Variants in GALT observed in about 807,000 individuals in gnomAD.
GALT encodes galactose-1-phosphate uridylyltransferase.
GALT carries 42 observed loss-of-function variants against 55.4 expected under a neutral mutation model. That is an observed-to-expected ratio of 0.76 (90% CI 0.59 to 0.98). GALT has a LOEUF of 0.98. Among genes scored for constraint, GALT ranks in the 50% least tolerant of loss-of-function variants. GALT has a pLI of 0.00. For synonymous variants in GALT, 154 were observed against 181.5 expected, an observed-to-expected ratio of 0.85 and a Z score of 1.22; for missense variants, 407 against 495.7, an observed-to-expected ratio of 0.82 and a Z score of 1.70.
rs1821140337 is a variant in GALT at position 34,647,662 on chromosome 9, A to G, written c.334A>G (p.Ser112Gly). Residue 112 changes from serine (S) to glycine (G), a missense_variant, in exon 4 of 11, where the codon AGT becomes GGT. Physicochemically the swap from Ser to Gly is moderately conservative, Grantham distance 56. Transcript: ENST00000378842. The surrounding 1 kb of genome is among the most constrained non-coding windows in gnomAD (Gnocchi z 5.6). ...LQPDAPSPGP[S>G]DHPLFQAKSA... ...GTGATACTCCTTTACCTCAGGACCC[A>G]GTGATCATCCCCTTTTCCAAGCAAA... 5 of 1,614,158 alleles carry G rather than the reference A, an allele frequency of 3.1e-6. No homozygotes were observed. Among genetic ancestry groups the G allele is most frequent in the African/African-American group, 1.3e-5 (1 of 75,020 alleles).
Position 34,648,234 on chromosome 9 carries a change from G to A in GALT, c.564+63G>A. ...AGTCTGAGCCAGCACTGTGGACATG[G>A]GAACAGGATTAATGGATGGGACAGA... On this transcript the variant is annotated intron_variant, in intron 6 of 10. Coordinates refer to ENST00000378842, the MANE Select transcript of GALT (RefSeq NM_000155.4). The surrounding 1 kb of genome is among the most constrained non-coding windows in gnomAD (Gnocchi z 4.9). The A allele has an allele frequency of 1.2e-6, 2 of 1,613,886 alleles. No homozygotes were observed. Among genetic ancestry groups the A allele is most frequent in the South Asian group, 1.1e-5 (1 of 91,076 alleles).
At chr9:34,649,808 C>T in intron 10 of GALT, 1 of 519,132 alleles carries the variant, frequency 1.9e-6, no homozygotes, top group Non-Finnish European at 3.5e-6. Context: ...CCATAACAAC[C>T]TGGGCATTCC....
rs111033761 is a variant in GALT at position 34,648,851 on chromosome 9, G to A, written c.777G>A (p.Arg259=). The part of the protein sequence containing the change: ...WPYQTLLLPR[R]HVRRLPELTP... The stretch of plus-strand genomic sequence containing the variant: ...ACCAGACACTGCTGCTGCCCCGTCG[G>A]CATGTGCGGCGGCTACCTGAGCTGA... The change falls in exon 8 of 11, where the codon CGG becomes CGA. Residue 259 remains arginine (R), a synonymous_variant. Transcript: ENST00000378842. The surrounding 1 kb of genome is among the most constrained non-coding windows in gnomAD (Gnocchi z 4.9). The A allele has an allele frequency of 3.3e-5, 53 of 1,613,168 alleles. 1 individual carries two copies. Among genetic ancestry groups the A allele is most frequent in the Non-Finnish European group, 4.4e-5 (52 of 1,180,032 alleles).
Position 34,647,626 on chromosome 9 carries a change from T to G in GALT, c.329-31T>G, listed in dbSNP as rs752323054. 36 of 1,614,054 alleles carry G rather than the reference T, an allele frequency of 2.2e-5. No homozygotes were observed. Among genetic ancestry groups the G allele is most frequent in the Non-Finnish European group, 3.1e-5 (36 of 1,180,006 alleles). On this transcript the variant is annotated intron_variant, in intron 3 of 10. Coordinates refer to ENST00000378842, the MANE Select transcript of GALT (RefSeq NM_000155.4). This position sits in a 1 kb window ranked among gnomAD's most constrained non-coding sequence, Gnocchi z 5.6. The stretch of plus-strand genomic sequence containing the variant: ...GTGGCTAGACCTCTTGAGGGACTTC[T>G]GCTGCAGAGAGTGATACTCCTTTAC...
rs770153373 is a variant in GALT at position 34,649,507 on chromosome 9, AT to A, written c.1004del (p.Phe335SerfsTer24). On this transcript the variant is annotated frameshift_variant, in exon 10 of 11. Transcript: ENST00000378842. LOFTEE classifies it high-confidence loss of function. ...PLLRSATVRK[F>X]MVGYEMLAQA... The stretch of plus-strand genomic sequence containing the variant: ...TCCTGCGCTCTGCCACTGTCCGGAA[AT>A]TCATGGTTGGCTACGAAATGCTTGC... 1 of 1,614,194 alleles carries A rather than the reference AT, an allele frequency of 6.2e-7. No individual in the cohort carries two copies. Among genetic ancestry groups the A allele is most frequent in the East Asian group, 2.2e-5 (1 of 44,884 alleles).
chr9:34,650,267 A>T, intron 10 of GALT, 102 bp from the exon 11 acceptor site: 1 of 668,314 alleles, frequency 1.5e-6, no homozygotes, highest in Non-Finnish European at 2.5e-6. Flanking sequence ...TGGGCAACAG[A>T]GCAAGACCTC....
chr9:34,646,980 C>A, intron 1 of GALT, 109 bp from the exon 2 acceptor site: 2 of 1,605,104 alleles, frequency 1.2e-6, no homozygotes, highest in Non-Finnish European at 1.7e-6. Flanking sequence ...AGCTCCTGAG[C>A]GGGACAGGGC....
chr9:34,647,596 G>A lies in GALT; in HGVS notation c.328+29G>A. 1 of 1,614,078 alleles carries A rather than the reference G, an allele frequency of 6.2e-7. No homozygotes were observed. Among genetic ancestry groups the A allele is most frequent in the Non-Finnish European group, 8.5e-7 (1 of 1,179,948 alleles). On this transcript the variant is annotated intron_variant, in intron 3 of 10. Coordinates refer to ENST00000378842, the MANE Select transcript of GALT (RefSeq NM_000155.4). This position sits in a 1 kb window ranked among gnomAD's most constrained non-coding sequence, Gnocchi z 5.6. ...ACCTGGCTCCAACTGCTGCTGGGGA[G>A]GAGGGTGGCTAGACCTCTTGAGGGA... is the stretch of plus-strand genomic sequence containing the variant.
chr9:34,647,955 G>C lies in GALT; in HGVS notation c.501G>C (p.Trp167Cys), dbSNP rs1407860889. The change falls in exon 5 of 11, where the codon TGG (tryptophan) becomes TGC (cysteine). Residue 167 changes from tryptophan to cysteine, a missense_variant. Trp to Cys is a radical substitution (Grantham distance 215). Transcript: ENST00000378842. The surrounding 1 kb of genome is among the most constrained non-coding windows in gnomAD (Gnocchi z 5.6). ...VTEELGAQYP[W>C]VQIFENKGAM... The stretch of plus-strand genomic sequence containing the variant: ...AGGAGCTGGGTGCCCAGTACCCTTG[G>C]GTGCAGGTTTGTGAGGTCGCCCCTT... 1 of 1,614,204 alleles carries C rather than the reference G, an allele frequency of 6.2e-7. No individual in the cohort carries two copies. The highest frequency in any genetic ancestry group is 1.7e-5 in the Admixed American group (1 of 60,028).
chr9:34,648,089 CAG>C lies in GALT; in HGVS notation c.508-23_508-22del, dbSNP rs760662473. On this transcript the variant is annotated intron_variant, in intron 5 of 10. Transcript: ENST00000378842. This position sits in a 1 kb window ranked among gnomAD's most constrained non-coding sequence, Gnocchi z 4.9. ...AGTTGACTTGGTGTCTTTTGGCTAACAGAGCTCCGTATCCCTATCTGATAGAT... is the reference window on the plus strand; with the variant it reads ...AGTTGACTTGGTGTCTTTTGGCTAACAGCTCCGTATCCCTATCTGATAGAT... The C allele has an allele frequency of 1.2e-6, 2 of 1,614,036 alleles. No homozygotes were observed. Among genetic ancestry groups the C allele is most frequent in the South Asian group, 1.1e-5 (1 of 91,082 alleles).
Position 34,647,870 on chromosome 9 carries a change from T to C in GALT, c.416T>C (p.Leu139Pro), listed in dbSNP as rs111033687. 1 of 1,614,232 alleles carries C rather than the reference T, an allele frequency of 6.2e-7. No individual in the cohort carries two copies. The highest frequency in any genetic ancestry group is 8.5e-7 in the Non-Finnish European group (1 of 1,180,046). ...MCFHPWSDVT[L>P]PLMSVPEIRA... ...TTCCACCCCTGGTCGGATGTAACGC[T>C]GCCACTCATGTCGGTCCCTGAGATC... The change falls in exon 5 of 11, where the codon CTG becomes CCG. Residue 139 changes from leucine to proline, a missense_variant. Coordinates refer to ENST00000378842, the MANE Select transcript of GALT (RefSeq NM_000155.4). This position sits in a 1 kb window ranked among gnomAD's most constrained non-coding sequence, Gnocchi z 5.6.
At position 34,650,142 on chromosome 9, in the gene GALT, G is replaced by A. The variant is rs925939279; in HGVS notation, c.1060-227G>A. On this transcript the variant is annotated intron_variant, in intron 10 of 10. Transcript: ENST00000378842. Reference sequence around the variant, plus strand: ...AAAAAAAATTTAAAAAGTTAGCCAGGTATGGTGGCATATACTTGTGGTCCC... The same window carrying A: ...AAAAAAAATTTAAAAAGTTAGCCAGATATGGTGGCATATACTTGTGGTCCC... 3.7e-5 allele frequency: 20 copies of A among 547,058 alleles called. No homozygotes were observed. In the East Asian group the frequency reaches 4.3e-4, roughly 12 times the overall value. The allele number at this position is 547,058 out of a possible 1,614,324, so 33.9% of individuals were successfully genotyped here. A position where few individuals can be genotyped will look rare whatever the true frequency, so the allele number is the denominator to read the frequency against.
Position 34,646,716 on chromosome 9 carries a change from T to G in GALT, c.12T>G (p.Ser4Arg). 6.2e-7 allele frequency: 1 copy of G among 1,613,696 alleles called. No homozygotes were observed. The highest frequency in any genetic ancestry group is 2.2e-5 in the East Asian group (1 of 44,864). Residue 4 changes from serine (S) to arginine (R), a missense_variant, in exon 1 of 11, where the codon AGT (serine) becomes AGG (arginine). By Grantham distance (110) the Ser-to-Arg change is moderately radical (BLOSUM62 -1). Coordinates refer to ENST00000378842, the MANE Select transcript of GALT (RefSeq NM_000155.4). ...CCCCCGGTGGCCTCATGTCGCGCAG[T>G]GGAACCGATCCTCAGCAACGCCAGC... MSR[S>R]GTDPQQRQQA...
chr9:34,649,111 C>T lies in GALT; in HGVS notation c.904+30C>T, dbSNP rs761802494. On this transcript the variant is annotated intron_variant, in intron 9 of 10. Coordinates refer to ENST00000378842, the MANE Select transcript of GALT (RefSeq NM_000155.4). Reference sequence around the variant, plus strand: ...GGCTTTTCAAGTACCTATATTTAGCCCCAACACCATTTCTGGGCTCCTGGG... The same window carrying T: ...GGCTTTTCAAGTACCTATATTTAGCTCCAACACCATTTCTGGGCTCCTGGG... 15 of 1,597,852 alleles carry T rather than the reference C, an allele frequency of 9.4e-6. No individual in the cohort carries two copies. The East Asian group carries it at 2.9e-4, about 31-fold the overall frequency.
chr9:34,647,397 T>C lies in GALT; in HGVS notation c.253-95T>C. The C allele has an allele frequency of 6.4e-7, 1 of 1,571,522 alleles. No individual in the cohort carries two copies. The highest frequency in any genetic ancestry group is 8.8e-7 in the Non-Finnish European group (1 of 1,141,464). On this transcript the variant is annotated intron_variant, in intron 2 of 10. Transcript: ENST00000378842. The surrounding 1 kb of genome is among the most constrained non-coding windows in gnomAD (Gnocchi z 5.6). ...GCTTTTTGGTCCCCTAGGGTGGGCC[T>C]TCCCTACTCCCTTGTAGCCTGTCCA...
At position 34,649,082 on chromosome 9, in the gene GALT, G is replaced by A. The variant is rs367543271; in HGVS notation, c.904+1G>A. 6.2e-7 allele frequency: 1 copy of A among 1,613,976 alleles called. No individual in the cohort carries two copies. The highest frequency in any genetic ancestry group is 8.5e-7 in the Non-Finnish European group (1 of 1,179,828). On this transcript the variant is annotated splice_donor_variant, in intron 9 of 10. Transcript: ENST00000378842. LOFTEE classifies it high-confidence loss of function. ...TTTCCCTACTCCATGGGCTGGCATGGTGAGGCTTTTCAAGTACCTATATTT... is the reference window on the plus strand; with the variant it reads ...TTTCCCTACTCCATGGGCTGGCATGATGAGGCTTTTCAAGTACCTATATTT...
intron 9 of GALT, 49 bp downstream of exon 9, chr9:34,649,130 T>C: frequency 6.4e-7 from 1 of 1,561,788 alleles, no homozygotes; most frequent in Non-Finnish European, 8.8e-7. Context: ...ATTTCTGGGC[T>C]CCTGGGGCTC....
rs111033740 is a variant in GALT at position 34,648,380 on chromosome 9, G to A, written c.611G>A (p.Arg204Gln). The change falls in exon 7 of 11, where the codon CGA (arginine) becomes CAA (glutamine). Residue 204 changes from arginine (R) to glutamine (Q), a missense_variant. Coordinates refer to ENST00000378842, the MANE Select transcript of GALT (RefSeq NM_000155.4). This position sits in a 1 kb window ranked among gnomAD's most constrained non-coding sequence, Gnocchi z 4.9. Reference protein sequence around the residue: ...FLPDIAQREERSQQAYKSQHG... With the variant: ...FLPDIAQREEQSQQAYKSQHG... ...CCAGATATTGCCCAGCGTGAGGAGC[G>A]ATCTCAGCAGGCCTATAAGAGTCAG... is the stretch of plus-strand genomic sequence containing the variant. 3.0e-5 allele frequency: 48 copies of A among 1,614,060 alleles called. No homozygotes were observed. The highest frequency in any genetic ancestry group is 5.3e-5 in the African/African-American group (4 of 74,906).
At position 34,647,272 on chromosome 9, in the gene GALT, G is replaced by A; in HGVS notation, c.252+14G>A. 6.2e-7 allele frequency: 1 copy of A among 1,614,010 alleles called. No individual in the cohort carries two copies. Among genetic ancestry groups the A allele is most frequent in the Non-Finnish European group, 8.5e-7 (1 of 1,179,946 alleles). Reference sequence around the variant, plus strand: ...GCCAACGGAGAGGTAAGCCTGTAGAGCCCTGCATCTGCAGGCTGGGCCACG... The same window carrying A: ...GCCAACGGAGAGGTAAGCCTGTAGAACCCTGCATCTGCAGGCTGGGCCACG... On this transcript the variant is annotated intron_variant, in intron 2 of 10. Coordinates refer to ENST00000378842, the MANE Select transcript of GALT (RefSeq NM_000155.4). The surrounding 1 kb of genome is among the most constrained non-coding windows in gnomAD (Gnocchi z 5.6).
Sources: allele counts gnomAD v4.1 joint callset, GRCh38; gene constraint gnomAD v4.1.1; non-coding constraint Gnocchi (gnomAD v3.1); transcripts MANE v1.5; gene names NCBI Gene and HGNC (gene_info 2026-07-23, HGNC 2026-07-21).